Variants in DCHS2 observed in about 807,000 individuals in gnomAD.
DCHS2 encodes the protein protocadherin-23.
In DCHS2, 142 loss-of-function variants were observed where a neutral mutation model predicts 182.4. The observed-to-expected ratio is 0.78, with a 90% CI of 0.68 to 0.89. The LOEUF (loss-of-function observed/expected upper bound fraction) is 0.89, where lower values mean the gene tolerates loss of function less well. Ranked by LOEUF, DCHS2 falls within the 40% of genes least tolerant of loss-of-function variation. The pLI is 0.00. For missense variants in DCHS2, 4,319 were observed against 4,198.6 expected (o/e 1.03, Z -0.79); for synonymous variants, 1,740 against 1,663.3 (o/e 1.05, Z -1.12).
At chr4:154,309,954 A>C (rs908465686) in intron 10 of DCHS2, among the ~76,000 whole-genome samples, 2 of 152,210 alleles carry the variant, frequency 1.3e-5, no homozygotes, top group African/African-American at 4.8e-5. Context: ...TGAGGCTTTA[A>C]ACCTGTAACT....
chr4:154,489,719 G>A lies in DCHS2; in HGVS notation c.1637C>T (p.Ala546Val), dbSNP rs969856869. The A allele has an allele frequency of 1.7e-5, 26 of 1,551,570 alleles. No individual in the cohort carries two copies. The highest frequency in any genetic ancestry group is 2.1e-5 in the Non-Finnish European group (24 of 1,146,976). The change falls in exon 1 of 20, where the codon GCC becomes GTC. Residue 546 changes from alanine (A) to valine (V), a missense_variant. By Grantham distance (64) the Ala-to-Val change is moderately conservative (BLOSUM62 0). Coordinates refer to ENST00000357232, the MANE Select transcript of DCHS2 (RefSeq NM_001358235.2). Reference protein sequence around the residue: ...PPLFSQQHYKASVSEAAAPGT... With the variant: ...PPLFSQQHYKVSVSEAAAPGT... ...AGGGGCCGCGGCCTCGGACACTGAG[G>A]CCTTGTAATGCTGTTGGCTGAAGAG...
chr4:154,366,664 C>A (rs534490808), intron 2 of DCHS2, among the ~76,000 whole-genome samples: 1 of 152,074 alleles, frequency 6.6e-6, no homozygotes, highest in Non-Finnish European at 1.5e-5. Flanking sequence ...GACACACACA[C>A]ACACAAACAC....
intron 1 of DCHS2, among the ~76,000 whole-genome samples, chr4:154,400,259 C>T (rs933769599): frequency 6.6e-5 from 9 of 137,038 alleles, no homozygotes; most frequent in Admixed American, 8.7e-5. Flanking sequence ...GCCGAGATTG[C>T]GCCACTGCAC....
chr4:154,450,404 T>A (rs763660776), intron 1 of DCHS2, among the ~76,000 whole-genome samples: 14 of 152,160 alleles, frequency 9.2e-5, no homozygotes, highest in Non-Finnish European at 1.9e-4. Flanking sequence ...TCTTTACCAA[T>A]CGCTAAAAAT....
rs576914328 is a variant in DCHS2 at position 154,465,600 on chromosome 4, C to T, written c.2052+23704G>A. Among the ~76,000 whole-genome samples the T allele has an allele frequency of 9.9e-5, 15 of 151,660 alleles. No individual in the cohort carries two copies. In the East Asian group the frequency reaches 1.2e-3, roughly 12 times the overall value. On this transcript the variant is annotated intron_variant, in intron 1 of 19. Transcript: ENST00000357232. ...AGGAGAATTGTTTGAACCTATGAGG[C>T]GGAGGCTGCAGTGAGCTGAGATCAC... is the stretch of plus-strand genomic sequence containing the variant.
At chr4:154,266,060 C>T (rs1278526970) in intron 14 of DCHS2, among the ~76,000 whole-genome samples, 1 of 152,284 alleles carries the variant, frequency 6.6e-6, no homozygotes, top group Non-Finnish European at 1.5e-5. Context: ...GTCTCTCTTG[C>T]AAAATATCGT....
chr4:154,432,520 G>A (rs1464532755), intron 1 of DCHS2, among the ~76,000 whole-genome samples: 1 of 152,098 alleles, frequency 6.6e-6, no homozygotes, highest in Admixed American at 6.5e-5. Context: ...ACATTGTTCA[G>A]TAAGAGAGTA....
intron 1 of DCHS2, among the ~76,000 whole-genome samples, chr4:154,416,770 A>C (rs1732848899): frequency 6.6e-6 from 1 of 152,170 alleles, no homozygotes; most frequent in South Asian, 2.1e-4. Context: ...TGCTTGTTTA[A>C]ATCTCCGAGC....
chr4:154,334,694 G>C, intron 4 of DCHS2, 174 bp downstream of exon 4: 1 of 573,402 alleles, frequency 1.7e-6, no homozygotes, highest in Non-Finnish European at 3.1e-6. Flanking sequence ...AAAAATTGTG[G>C]GATGGACAGA....
chr4:154,454,158 C>T (rs1283016158), intron 1 of DCHS2, among the ~76,000 whole-genome samples: 1 of 149,428 alleles, frequency 6.7e-6, no homozygotes, highest in Non-Finnish European at 1.5e-5. Context: ...CACACACACC[C>T]CTTGCCAGGA....
chr4:154,384,925 ATTTTT>A (rs1048152138), intron 1 of DCHS2, among the ~76,000 whole-genome samples: 2 of 151,714 alleles, frequency 1.3e-5, no homozygotes, highest in African/African-American at 4.8e-5. Flanking sequence ...TTTTATTTTT[ATTTTT>A]ATTTTTATTA....
intron 1 of DCHS2, among the ~76,000 whole-genome samples, chr4:154,423,665 A>C (rs911764055): frequency 2.0e-5 from 3 of 152,248 alleles, no homozygotes; most frequent in African/African-American, 7.2e-5. Context: ...CTATATTGGT[A>C]CATTGTAGCA....
At chr4:154,481,667 C>A (rs2111037620) in intron 1 of DCHS2, among the ~76,000 whole-genome samples, 1 of 152,306 alleles carries the variant, frequency 6.6e-6, no homozygotes, top group African/African-American at 2.4e-5. Flanking sequence ...AGGCAGTGCT[C>A]TGTGTCCTGG....
chr4:154,433,422 G>T (rs961169186), intron 1 of DCHS2, among the ~76,000 whole-genome samples: 4 of 107,378 alleles, frequency 3.7e-5, no homozygotes, highest in Non-Finnish European at 5.7e-5. Flanking sequence ...TTGAGACAGA[G>T]TCTTGCTCTG....
chr4:154,250,202 T>C (rs1732284788), intron 16 of DCHS2, among the ~76,000 whole-genome samples: 1 of 152,136 alleles, frequency 6.6e-6, no homozygotes, highest in African/African-American at 2.4e-5. Flanking sequence ...TTTTTAGTGA[T>C]TCTAATGCAA....
chr4:154,430,006 C>T (rs1227162780), intron 1 of DCHS2, among the ~76,000 whole-genome samples: 1 of 152,110 alleles, frequency 6.6e-6, no homozygotes. Flanking sequence ...GGGCTTGACA[C>T]CTAGTAACCA....
intron 1 of DCHS2, among the ~76,000 whole-genome samples, chr4:154,431,260 A>C (rs1395384409): frequency 2.6e-5 from 4 of 152,186 alleles, no homozygotes; most frequent in African/African-American, 9.6e-5. Flanking sequence ...GGACAATTAC[A>C]GGAGGGTGGG....
chr4:154,263,678 C>A (rs1733092620), intron 14 of DCHS2, among the ~76,000 whole-genome samples: 1 of 148,052 alleles, frequency 6.8e-6, no homozygotes. Context: ...AAATCAGTGG[C>A]CATTATTGAA....
At chr4:154,475,840 C>G (rs1735659927) in intron 1 of DCHS2, among the ~76,000 whole-genome samples, 1 of 152,172 alleles carries the variant, frequency 6.6e-6, no homozygotes, top group South Asian at 2.1e-4. Context: ...CTTCAAAGTA[C>G]ATATTATTAT....
Sources: gnomAD v4.1 joint callset for allele counts (sites outside exome capture counted in the v4.1 genomes callset) on GRCh38, gnomAD v4.1.1 for gene constraint, MANE v1.5 for transcripts, NCBI Gene and HGNC (gene_info 2026-07-23, HGNC 2026-07-21) for gene names.